The following CENPP variants were observed in gnomAD, a reference collection of about 807,000 sequenced individuals.
CENPP encodes the protein centromere protein P.
In CENPP, 24 loss-of-function variants were observed where a neutral mutation model predicts 35.6. The ratio of observed to expected loss-of-function variants is 0.67; its 90% confidence interval spans 0.49 to 0.95. The LOEUF (loss-of-function observed/expected upper bound fraction) is 0.95, where lower values mean the gene tolerates loss of function less well. Ranked by LOEUF, CENPP falls within the 40% of genes least tolerant of loss-of-function variation. The pLI is 0.00. For synonymous variants in CENPP, 120 were observed against 125.5 expected (o/e 0.96, Z 0.29); for missense variants, 332 against 345.3 (o/e 0.96, Z 0.31).
intron 4 of CENPP, among the ~76,000 whole-genome samples, chr9:92,374,909 A>G (rs772137040): frequency 9.2e-5 from 14 of 152,140 alleles, no homozygotes; most frequent in Non-Finnish European, 1.8e-4. Context: ...AGCTTTCTTG[A>G]ATCAGGGAAT....
chr9:92,412,707 G>A (rs973059962), intron 5 of CENPP, among the ~76,000 whole-genome samples: 2 of 152,146 alleles, frequency 1.3e-5, no homozygotes, highest in African/African-American at 4.8e-5. Flanking sequence ...TTTTATTGCT[G>A]AATAATATTC....
chr9:92,552,488 G>A (rs1338469551), intron 5 of CENPP, among the ~76,000 whole-genome samples: 5 of 152,002 alleles, frequency 3.3e-5, no homozygotes, highest in South Asian at 4.2e-4. Flanking sequence ...CCTGTTCACC[G>A]CATCCATGCC....
At position 92,618,622 on chromosome 9, in the gene CENPP, G is replaced by A. The variant is rs772797476; in HGVS notation, c.*5473G>A. ...AAGGAATTCCTCATAACTTAGCCCT[G>A]TAGGTATTTCCTTAGGGGATAACAG... is the stretch of plus-strand genomic sequence containing the variant. On this transcript the variant is annotated 3_prime_UTR_variant, in exon 8 of 8. Coordinates refer to ENST00000375587, the MANE Select transcript of CENPP (RefSeq NM_001012267.3). 21 of 453,610 alleles carry A rather than the reference G, an allele frequency of 4.6e-5. No individual in the cohort carries two copies. The highest frequency in any genetic ancestry group is 4.0e-4 in the Admixed American group (17 of 42,480). 28.1% of individuals were successfully genotyped at this position (453,610 alleles called of 1,614,324 possible).
Position 92,395,072 on chromosome 9 carries a change from G to A in CENPP, c.564+15213G>A, listed in dbSNP as rs75550253. ...TTAGCTGACTTACAATTAATTGCGT[G>A]TATTTAAATCGTACAACATATACGA... On this transcript the variant is annotated intron_variant, in intron 5 of 7. Transcript: ENST00000375587. Among the ~76,000 whole-genome samples the A allele has an allele frequency of 4.8e-3, 729 of 152,038 alleles. 4 individuals carry two copies. Among genetic ancestry groups the A allele is most frequent in the African/African-American group, 0.015 (634 of 41,442 alleles).
rs759784797 is a variant in CENPP, at chr9:92,602,195, G to A, written c.565-9119G>A. ...CACGACCAATAGTGATCTTAAACAGGTTACAGCCTATGGAATAAACAAGTG... is the reference window on the plus strand; with the variant it reads ...CACGACCAATAGTGATCTTAAACAGATTACAGCCTATGGAATAAACAAGTG... On this transcript the variant is annotated intron_variant, in intron 5 of 7. Coordinates refer to ENST00000375587, the MANE Select transcript of CENPP (RefSeq NM_001012267.3). Among the ~76,000 whole-genome samples the A allele has an allele frequency of 2.0e-5, 3 of 152,130 alleles. 1 individual carries two copies. The highest frequency in any genetic ancestry group is 7.2e-5 in the African/African-American group (3 of 41,408).
intron 5 of CENPP, among the ~76,000 whole-genome samples, chr9:92,469,359 G>A (rs751858504): frequency 4.6e-5 from 7 of 152,114 alleles, no homozygotes; most frequent in Non-Finnish European, 7.4e-5. Flanking sequence ...GATTTTGTAG[G>A]GAGGCTTGAT....
chr9:92,525,735 A>G (rs10992359), intron 5 of CENPP, among the ~76,000 whole-genome samples: 37,051 of 151,730 alleles, frequency 0.24, 6,285 homozygotes, highest in African/African-American at 0.48. Context: ...TACTAAAAAT[A>G]TAAAATTAGC....
intron 4 of CENPP, among the ~76,000 whole-genome samples, chr9:92,365,799 T>C (rs981842453): frequency 2.6e-5 from 4 of 152,240 alleles, no homozygotes; most frequent in Middle Eastern, 3.4e-3. Context: ...CTTTTTTTTT[T>C]CTTAAACTAA....
chr9:92,540,946 A>C (rs1849303948), intron 5 of CENPP, among the ~76,000 whole-genome samples: 1 of 151,902 alleles, frequency 6.6e-6, no homozygotes, highest in Admixed American at 6.6e-5. Flanking sequence ...GAAAGCCAAA[A>C]GTTGGGGATT....
chr9:92,358,627 A>G (rs1841655568), intron 4 of CENPP, among the ~76,000 whole-genome samples: 1 of 151,898 alleles, frequency 6.6e-6, no homozygotes, highest in African/African-American at 2.4e-5. Context: ...TCCTATCTCC[A>G]GGTTTGGTGA....
At chr9:92,518,000 A>G in intron 5 of CENPP, 1 of 1,101,792 alleles carries the variant, frequency 9.1e-7, no homozygotes, top group Non-Finnish European at 1.3e-6. Flanking sequence ...ATGTGCATTC[A>G]TGTATAGGGT....
At chr9:92,362,269 A>G (rs1446424603) in intron 4 of CENPP, among the ~76,000 whole-genome samples, 1 of 152,112 alleles carries the variant, frequency 6.6e-6, no homozygotes, top group Non-Finnish European at 1.5e-5. Flanking sequence ...AGTTCTAGCT[A>G]CCTGAGGGGC....
chr9:92,452,428 C>A (rs994765181), intron 5 of CENPP, among the ~76,000 whole-genome samples: 4 of 149,710 alleles, frequency 2.7e-5, no homozygotes, highest in Admixed American at 6.7e-5. Context: ...TTGAACCAGC[C>A]TTGCATCCCA....
intron 5 of CENPP, among the ~76,000 whole-genome samples, chr9:92,487,325 C>A (rs1846083394): frequency 6.6e-6 from 1 of 152,160 alleles, no homozygotes; most frequent in Admixed American, 6.5e-5. Context: ...AAAAAGCTTT[C>A]TTGTACCAAG....
chr9:92,378,095 A>T (rs1450946777), intron 4 of CENPP, among the ~76,000 whole-genome samples: 2 of 152,120 alleles, frequency 1.3e-5, no homozygotes, highest in Non-Finnish European at 2.9e-5. Flanking sequence ...GCTTGGTGTC[A>T]GTTGGGGCTA....
chr9:92,383,735 C>G (rs1842324317), intron 5 of CENPP, among the ~76,000 whole-genome samples: 1 of 151,978 alleles, frequency 6.6e-6, no homozygotes. Flanking sequence ...TTCTTTAATT[C>G]TGGAATTCAT....
intron 5 of CENPP, chr9:92,415,174 TGAA>T: frequency 6.2e-7 from 1 of 1,607,680 alleles, no homozygotes; most frequent in Non-Finnish European, 8.5e-7. Flanking sequence ...TTCATAATAA[TGAA>T]GGTCAAAGTG....
rs1033162791 is a variant in CENPP, at chr9:92,514,397, T to G, written c.565-96917T>G. ...TCAAACGATTCTCCTGCCTCGGCCT[T>G]CTGAGTAGCTGGGATTACAGGCATG... On this transcript the variant is annotated intron_variant, in intron 5 of 7. Coordinates refer to ENST00000375587, the MANE Select transcript of CENPP (RefSeq NM_001012267.3). Among the ~76,000 whole-genome samples, 8 of 151,870 alleles carry G rather than the reference T, an allele frequency of 5.3e-5. No homozygotes were observed. The South Asian group carries it at 1.7e-3, about 32-fold the overall frequency.
At chr9:92,521,551 C>T (rs1299428610) in intron 5 of CENPP, among the ~76,000 whole-genome samples, 2 of 152,070 alleles carry the variant, frequency 1.3e-5, no homozygotes, top group Non-Finnish European at 2.9e-5. Flanking sequence ...GGCCACAGAA[C>T]ATTATATGGT....
Sources: gnomAD v4.1 joint callset for allele counts (sites outside exome capture counted in the v4.1 genomes callset) on GRCh38, gnomAD v4.1.1 for gene constraint, MANE v1.5 for transcripts, NCBI Gene and HGNC (gene_info 2026-07-23, HGNC 2026-07-21) for gene names.